Variants in STAC observed in about 807,000 individuals in gnomAD.
STAC encodes the protein SH3 and cysteine rich domain.
STAC carries 43 observed loss-of-function variants against 48.8 expected under a neutral mutation model. That is an observed-to-expected ratio of 0.88 (90% CI 0.69 to 1.14). The LOEUF is 1.14. Among genes scored for constraint, STAC ranks in the 50% most tolerant of loss-of-function variants. STAC has a pLI of 0.00. For synonymous variants in STAC, 193 were observed against 179.5 expected, an observed-to-expected ratio of 1.07 and a Z score of -0.60; for missense variants, 497 against 504.0, an observed-to-expected ratio of 0.99 and a Z score of 0.13.
intron 2 of STAC, among the ~76,000 whole-genome samples, chr3:36,482,308 G>A (rs533619328): frequency 4.6e-5 from 7 of 152,288 alleles, no homozygotes; most frequent in African/African-American, 1.7e-4. Context: ...CCTCTCCAGT[G>A]CTCCTGCCTT....
intron 2 of STAC, among the ~76,000 whole-genome samples, chr3:36,453,517 C>A (rs979789722): frequency 1.3e-5 from 2 of 152,220 alleles, no homozygotes; most frequent in African/African-American, 4.8e-5. Context: ...CAATTTCTCG[C>A]GGGGCCTTAG....
intron 2 of STAC, 137 bp from the exon 3 acceptor site, chr3:36,482,855 T>G: frequency 1.6e-6 from 1 of 624,810 alleles, no homozygotes; most frequent in Non-Finnish European, 2.9e-6. Context: ...CCATATATAT[T>G]TTTTTTCTAT....
At chr3:36,397,972 T>C (rs1382066461) in intron 1 of STAC, among the ~76,000 whole-genome samples, 6 of 151,462 alleles carry the variant, frequency 4.0e-5, no homozygotes, top group African/African-American at 1.5e-4. Flanking sequence ...ATGGGAGATA[T>C]TTAAAACTTG....
chr3:36,499,913 CCA>C (rs1470148262), intron 6 of STAC, among the ~76,000 whole-genome samples: 282 of 151,970 alleles, frequency 1.9e-3, no homozygotes, highest in African/African-American at 6.4e-3. Context: ...GACTTTAAGA[CCA>C]AGAAAGCATT....
At chr3:36,383,925 C>G (rs1225129781) in intron 1 of STAC, among the ~76,000 whole-genome samples, 1 of 152,186 alleles carries the variant, frequency 6.6e-6, no homozygotes, top group East Asian at 1.9e-4. Flanking sequence ...ACTTTGGTAT[C>G]CCAGTACAGT....
intron 1 of STAC, among the ~76,000 whole-genome samples, chr3:36,422,201 T>G (rs989230153): frequency 4.6e-5 from 7 of 152,166 alleles, no homozygotes; most frequent in African/African-American, 1.7e-4. Context: ...ATGATGACTT[T>G]AGTATTCATA....
intron 2 of STAC, among the ~76,000 whole-genome samples, chr3:36,470,679 G>A (rs1697308720): frequency 6.6e-6 from 1 of 152,242 alleles, no homozygotes; most frequent in Non-Finnish European, 1.5e-5. Context: ...TCCTGTGGTA[G>A]TTCTTAGAGC....
chr3:36,527,834 GAC>G (rs142382090), intron 8 of STAC, among the ~76,000 whole-genome samples: 3 of 151,624 alleles, frequency 2.0e-5, no homozygotes, highest in Admixed American at 6.6e-5. Flanking sequence ...GTAGAATGTT[GAC>G]ACACACACAC....
intron 2 of STAC, among the ~76,000 whole-genome samples, chr3:36,476,960 C>G (rs1697510073): frequency 1.3e-5 from 2 of 152,162 alleles, no homozygotes; most frequent in African/African-American, 4.8e-5. Flanking sequence ...AGTCCAATAG[C>G]TAAACCTGGA....
At chr3:36,529,083 A>T (rs1022515027) in intron 10 of STAC, 98 bp downstream of exon 10, 1 of 1,190,366 alleles carries the variant, frequency 8.4e-7, no homozygotes, top group Non-Finnish European at 1.1e-6. Context: ...GTGGGGTCAC[A>T]TTCAAAGTAT....
intron 1 of STAC, among the ~76,000 whole-genome samples, chr3:36,404,365 C>T (rs1025504919): frequency 3.3e-5 from 5 of 152,204 alleles, no homozygotes; most frequent in Middle Eastern, 3.4e-3. Context: ...CATTCTCTTC[C>T]CGTGTAGTAT....
At chr3:36,466,332 A>G (rs141768245) in intron 2 of STAC, among the ~76,000 whole-genome samples, 4,786 of 152,118 alleles carry the variant, frequency 0.031, 224 homozygotes, top group African/African-American at 0.11. Flanking sequence ...GTTGGGTAAT[A>G]TGATGCTTCC....
intron 10 of STAC, among the ~76,000 whole-genome samples, chr3:36,531,932 C>T (rs1036705717): frequency 6.6e-6 from 1 of 152,154 alleles, no homozygotes; most frequent in Non-Finnish European, 1.5e-5. Flanking sequence ...AACTTAATGG[C>T]TTTGTTCTCT....
chr3:36,385,269 C>G (rs1308800448), intron 1 of STAC, among the ~76,000 whole-genome samples: 1 of 152,154 alleles, frequency 6.6e-6, no homozygotes, highest in East Asian at 1.9e-4. Context: ...ATTGTTCTAC[C>G]ACATCAATTT....
intron 2 of STAC, among the ~76,000 whole-genome samples, chr3:36,476,097 G>A (rs1272092022): frequency 3.9e-5 from 6 of 152,246 alleles, no homozygotes; most frequent in East Asian, 1.9e-4. Flanking sequence ...TTAAAGGGGC[G>A]AAGCCCCAGT....
intron 2 of STAC, among the ~76,000 whole-genome samples, chr3:36,475,275 A>G (rs202164326): frequency 6.6e-6 from 1 of 151,310 alleles, no homozygotes; most frequent in Non-Finnish European, 1.5e-5. Context: ...TTTTTTTTTA[A>G]TTCTACTATG....
intron 10 of STAC, among the ~76,000 whole-genome samples, chr3:36,542,768 C>T (rs1339100893): frequency 6.6e-6 from 1 of 152,176 alleles, no homozygotes; most frequent in East Asian, 1.9e-4. Context: ...AGCCACAGCC[C>T]TTGCACTCAC....
chr3:36,499,535 G>A (rs1052587683), intron 6 of STAC, among the ~76,000 whole-genome samples: 1 of 152,010 alleles, frequency 6.6e-6, no homozygotes, highest in African/African-American at 2.4e-5. Context: ...TCAAAAGAAA[G>A]AAGGGATGGA....
chr3:36,399,100 C>T (rs1699948500), intron 1 of STAC, among the ~76,000 whole-genome samples: 1 of 152,168 alleles, frequency 6.6e-6, no homozygotes. Context: ...AACTTTGTGT[C>T]AGCTAGTCTT....
Sources: allele counts gnomAD v4.1 joint callset (sites outside exome capture counted in the v4.1 genomes callset), GRCh38; gene constraint gnomAD v4.1.1; transcripts MANE v1.5; gene names NCBI Gene and HGNC (gene_info 2026-07-23, HGNC 2026-07-21).